Variants in TMCO5A observed in about 807,000 individuals in gnomAD.
TMCO5A encodes transmembrane and coiled-coil domains 5A, also known as transmembrane and coiled-coil domain-containing protein 5A.
Under a neutral mutation model 42.3 loss-of-function variants are expected in TMCO5A, and 34 were observed. That is an observed-to-expected ratio of 0.80 (90% CI 0.61 to 1.07). The LOEUF (loss-of-function observed/expected upper bound fraction) is 1.07. TMCO5A is among the 50% of genes least tolerant of loss of function. The pLI is 0.00. For missense variants in TMCO5A, 357 were observed against 327.9 expected (o/e 1.09, Z -0.69); for synonymous variants, 131 against 115.6 (o/e 1.13, Z -0.86).
the TMCO5A span, among the ~76,000 whole-genome samples, chr15:38,037,388 G>T: frequency 6.6e-6 from 1 of 152,080 alleles, no homozygotes; most frequent in African/African-American, 2.4e-5. Flanking sequence ...TTTCTGTTTG[G>T]GTCCAAATTA....
chr15:37,983,053 C>T, the TMCO5A span, among the ~76,000 whole-genome samples: 5 of 152,084 alleles, frequency 3.3e-5, no homozygotes, highest in African/African-American at 1.2e-4. Context: ...CTTTTATTTT[C>T]TACCCAGTAA....
At chr15:38,030,690 C>T in the TMCO5A span, among the ~76,000 whole-genome samples, 1 of 152,192 alleles carries the variant, frequency 6.6e-6, no homozygotes, top group African/African-American at 2.4e-5. Context: ...CTTCCACTCA[C>T]ACCTACCTGC....
chr15:38,009,469 G>A, the TMCO5A span, among the ~76,000 whole-genome samples: 1 of 152,190 alleles, frequency 6.6e-6, no homozygotes. Flanking sequence ...CTAGGCAACA[G>A]TATTTTTATT....
At chr15:38,003,561 A>T in the TMCO5A span, among the ~76,000 whole-genome samples, 1 of 151,774 alleles carries the variant, frequency 6.6e-6, no homozygotes, top group African/African-American at 2.4e-5. Flanking sequence ...AACCTTAGGG[A>T]TCTACTTGGT....
At chr15:37,937,470 A>C in intron 5 of TMCO5A, 74 bp downstream of exon 5, 1 of 1,525,818 alleles carries the variant, frequency 6.6e-7, no homozygotes, top group Non-Finnish European at 9.1e-7. Flanking sequence ...GTTTGGGGGA[A>C]GTGATCATAG....
At chr15:37,982,267 T>C in the TMCO5A span, among the ~76,000 whole-genome samples, 9 of 151,958 alleles carry the variant, frequency 5.9e-5, no homozygotes, top group African/African-American at 2.2e-4. Flanking sequence ...AGAATATGCA[T>C]CCTCAGTGAA....
chr15:37,967,353 T>C (rs1001479071), exon 12 of TMCO5A: 5 of 152,234 alleles, frequency 3.3e-5, no homozygotes, highest in African/African-American at 1.2e-4. Context: ...AGAAAGCTGA[T>C]ATCAAGCAGG....
the TMCO5A span, among the ~76,000 whole-genome samples, chr15:37,991,344 A>G: frequency 3.5e-4 from 53 of 152,028 alleles, no homozygotes; most frequent in Admixed American, 3.3e-3. Flanking sequence ...AAACATCTTC[A>G]TTTCTCTCTC....
At chr15:38,008,003 C>G in the TMCO5A span, among the ~76,000 whole-genome samples, 1 of 148,508 alleles carries the variant, frequency 6.7e-6, no homozygotes, top group South Asian at 2.2e-4. Context: ...TCACGCCATT[C>G]TCCTGCCTCA....
At chr15:37,966,236 G>A (rs573521864) in intron 11 of TMCO5A, among the ~76,000 whole-genome samples, 3 of 151,018 alleles carry the variant, frequency 2.0e-5, no homozygotes, top group African/African-American at 4.9e-5. Context: ...TAGAATAATG[G>A]TTACCAGAGG....
chr15:37,978,497 T>A, the TMCO5A span, among the ~76,000 whole-genome samples: 3 of 151,772 alleles, frequency 2.0e-5, no homozygotes, highest in African/African-American at 4.8e-5. Flanking sequence ...GGAAAAAGAG[T>A]CTGAGTTCCT....
chr15:37,942,218 G>A lies in TMCO5A; in HGVS notation c.532G>A (p.Glu178Lys). The change falls in exon 9 of 12, where the codon GAA (glutamate) becomes AAA (lysine). Residue 178 changes from glutamate (E) to lysine (K), a missense_variant. By Grantham distance (56) the Glu-to-Lys change is moderately conservative. Coordinates refer to ENST00000319669, the MANE Select transcript of TMCO5A (RefSeq NM_152453.4). Reference protein sequence around the residue: ...KKYQETLKKIEEELEALFLER... With the variant: ...KKYQETLKKIKEELEALFLER... Reference sequence around the variant, plus strand: ...GTACCAGGAAACGTTGAAGAAAATAGAAGAAGAACTAGAGGCTCTGTTCCT... The same window carrying A: ...GTACCAGGAAACGTTGAAGAAAATAAAAGAAGAACTAGAGGCTCTGTTCCT... 2 of 1,612,518 alleles carry A rather than the reference G, an allele frequency of 1.2e-6. No individual in the cohort carries two copies. Among genetic ancestry groups the A allele is most frequent in the Non-Finnish European group, 1.7e-6 (2 of 1,179,092 alleles).
chr15:37,964,269 C>T (rs1890503739), intron 11 of TMCO5A, among the ~76,000 whole-genome samples: 1 of 152,118 alleles, frequency 6.6e-6, no homozygotes, highest in South Asian at 2.1e-4. Flanking sequence ...TGTTGCCTCT[C>T]TTCTGGGTTT....
chr15:38,012,010 G>A, the TMCO5A span, among the ~76,000 whole-genome samples: 2 of 152,236 alleles, frequency 1.3e-5, no homozygotes, highest in South Asian at 4.2e-4. Context: ...TGTAGTCCCA[G>A]CTACTCAGGA....
At chr15:38,007,237 G>C in the TMCO5A span, among the ~76,000 whole-genome samples, 1 of 152,164 alleles carries the variant, frequency 6.6e-6, no homozygotes, top group Non-Finnish European at 1.5e-5. Flanking sequence ...AGCCAAATGA[G>C]AGTTCAACAC....
chr15:38,020,041 G>A, the TMCO5A span, among the ~76,000 whole-genome samples: 1 of 151,548 alleles, frequency 6.6e-6, no homozygotes, highest in East Asian at 1.9e-4. Context: ...CACCCAGTCT[G>A]GAGTGCAGTG....
the TMCO5A span, among the ~76,000 whole-genome samples, chr15:38,012,475 A>G: frequency 6.6e-6 from 1 of 152,122 alleles, no homozygotes; most frequent in African/African-American, 2.4e-5. Context: ...CTAGTTAAGG[A>G]CACAGTTGAT....
chr15:37,995,562 C>T, the TMCO5A span, among the ~76,000 whole-genome samples: 17 of 152,322 alleles, frequency 1.1e-4, no homozygotes, highest in South Asian at 8.3e-4. Flanking sequence ...TAACTTCCAC[C>T]GAAGAGCCCA....
At chr15:37,963,872 C>T (rs1166317230) in intron 11 of TMCO5A, among the ~76,000 whole-genome samples, 3 of 152,042 alleles carry the variant, frequency 2.0e-5, no homozygotes, top group African/African-American at 7.2e-5. Flanking sequence ...GAATAGCTAC[C>T]TCTTCCTTGA....
Sources: gnomAD v4.1 joint callset for allele counts (sites outside exome capture counted in the v4.1 genomes callset) on GRCh38, gnomAD v4.1.1 for gene constraint, MANE v1.5 for transcripts, NCBI Gene and HGNC (gene_info 2026-07-23, HGNC 2026-07-21) for gene names.